ARHGAP24: variants seen among roughly 807,000 people sequenced by gnomAD.
ARHGAP24 encodes the protein Rho GTPase activating protein 24.
A neutral mutation model predicts 76.4 loss-of-function variants in ARHGAP24; 50 were observed. That is an observed-to-expected ratio of 0.65 (90% CI 0.52 to 0.83). The LOEUF is 0.83. Among genes scored for constraint, ARHGAP24 ranks in the 40% least tolerant of loss-of-function variants. The pLI is 0.00. For missense variants in ARHGAP24, 930 were observed against 914.2 expected (o/e 1.02, Z -0.22); for synonymous variants, 345 against 323.3 (o/e 1.07, Z -0.72).
chr4:85,637,597 T>C (rs1721376805), intron 2 of ARHGAP24, among the ~76,000 whole-genome samples: 1 of 152,078 alleles, frequency 6.6e-6, no homozygotes, highest in African/African-American at 2.4e-5. Context: ...ACATGTTGTA[T>C]ATTGGTAAAA....
chr4:85,960,036 T>C lies in ARHGAP24; in HGVS notation c.600-12000T>C, dbSNP rs187780517. 4.9e-3 allele frequency among the ~76,000 whole-genome samples: 744 copies of C among 152,312 alleles called. 1 individual carries two copies. Among genetic ancestry groups the C allele is most frequent in the Middle Eastern group, 0.01 (3 of 294 alleles). ...TGTAAGACAGAAATTAAAAGGATTT[T>C]CTGGTGTATCCAGTTAAGTCAGCAA... is the stretch of plus-strand genomic sequence containing the variant. On this transcript the variant is annotated intron_variant, in intron 5 of 9. Transcript: ENST00000395184.
intron 2 of ARHGAP24, among the ~76,000 whole-genome samples, chr4:85,676,727 A>G (rs142451632): frequency 6.6e-6 from 1 of 152,334 alleles, no homozygotes; most frequent in East Asian, 1.9e-4. Context: ...ATAGTGTCTG[A>G]GGGGGCCAAG....
chr4:85,972,801 C>T (rs977810681), intron 6 of ARHGAP24, among the ~76,000 whole-genome samples: 2 of 152,136 alleles, frequency 1.3e-5, no homozygotes, highest in African/African-American at 4.8e-5. Context: ...ATAGATTTGC[C>T]TATTCTGGAC....
chr4:85,529,259 C>G (rs1333629059), intron 1 of ARHGAP24, among the ~76,000 whole-genome samples: 1 of 151,976 alleles, frequency 6.6e-6, no homozygotes, highest in East Asian at 1.9e-4. Flanking sequence ...TTGACAAGTA[C>G]ATTGTGATAA....
chr4:85,594,049 G>A (rs1397988643), intron 2 of ARHGAP24, among the ~76,000 whole-genome samples: 2 of 151,944 alleles, frequency 1.3e-5, no homozygotes, highest in East Asian at 1.9e-4. Context: ...GGGTAGTATG[G>A]ACATTTTAGC....
At chr4:85,991,902 A>G (rs1376057537) in intron 8 of ARHGAP24, 1 of 371,488 alleles carries the variant, frequency 2.7e-6, no homozygotes, top group African/African-American at 2.1e-5. Flanking sequence ...TCATCTACAT[A>G]TATTTTTGCA....
intron 7 of ARHGAP24, among the ~76,000 whole-genome samples, chr4:85,977,186 T>A (rs1373870662): frequency 6.6e-6 from 1 of 152,190 alleles, no homozygotes; most frequent in Non-Finnish European, 1.5e-5. Context: ...GAAGGCATCC[T>A]ACCAGCTGAT....
intron 5 of ARHGAP24, among the ~76,000 whole-genome samples, chr4:85,960,476 A>G (rs1399678433): frequency 1.3e-5 from 2 of 152,180 alleles, no homozygotes; most frequent in African/African-American, 4.8e-5. Flanking sequence ...ACATAGAACT[A>G]GAAGATGAAC....
At chr4:85,921,673 G>A (rs1026963664) in intron 3 of ARHGAP24, among the ~76,000 whole-genome samples, 9 of 152,050 alleles carry the variant, frequency 5.9e-5, no homozygotes, top group African/African-American at 1.9e-4. Context: ...TTTCAGATAC[G>A]AGTTGTTTAA....
intron 5 of ARHGAP24, among the ~76,000 whole-genome samples, chr4:85,945,963 A>G (rs944815816): frequency 2.0e-5 from 3 of 152,180 alleles, no homozygotes; most frequent in Non-Finnish European, 1.5e-5. Flanking sequence ...GGTTTAATTA[A>G]TAACTTACAG....
intron 3 of ARHGAP24, among the ~76,000 whole-genome samples, chr4:85,917,483 G>A (rs889592294): frequency 6.6e-6 from 1 of 151,766 alleles, no homozygotes; most frequent in African/African-American, 2.4e-5. Context: ...CTGAGGAATC[G>A]CCACACTGAC....
intron 1 of ARHGAP24, among the ~76,000 whole-genome samples, chr4:85,504,403 C>G (rs1723952450): frequency 6.6e-6 from 1 of 152,158 alleles, no homozygotes; most frequent in Non-Finnish European, 1.5e-5. Flanking sequence ...GGACGTGCTC[C>G]TCTATTGGGT....
intron 1 of ARHGAP24, among the ~76,000 whole-genome samples, chr4:85,515,969 AAT>A (rs1431344556): frequency 3.9e-5 from 6 of 152,210 alleles, no homozygotes; most frequent in African/African-American, 1.4e-4. Context: ...TTGCCTATTT[AAT>A]ATGTGTACAG....
intron 2 of ARHGAP24, among the ~76,000 whole-genome samples, chr4:85,705,687 C>CA (rs1003771023): frequency 1.3e-5 from 2 of 152,020 alleles, no homozygotes; most frequent in African/African-American, 4.8e-5. Flanking sequence ...GAGAATGAGG[C>CA]AGAGAGAAGG....
intron 1 of ARHGAP24, among the ~76,000 whole-genome samples, chr4:85,554,356 C>T (rs1010711499): frequency 5.9e-5 from 9 of 152,082 alleles, no homozygotes; most frequent in African/African-American, 1.7e-4. Context: ...GCATCTCTAG[C>T]GAGGTTAAGG....
chr4:85,935,744 G>T (rs898871911), intron 4 of ARHGAP24, among the ~76,000 whole-genome samples: 2 of 152,138 alleles, frequency 1.3e-5, no homozygotes, highest in Non-Finnish European at 2.9e-5. Flanking sequence ...CATGCAACTT[G>T]CCTGACTTGG....
At chr4:85,533,824 C>T (rs900578360) in intron 1 of ARHGAP24, among the ~76,000 whole-genome samples, 1 of 152,034 alleles carries the variant, frequency 6.6e-6, no homozygotes, top group Non-Finnish European at 1.5e-5. Flanking sequence ...ACTAAACATA[C>T]TAAAATATAT....
chr4:85,624,131 G>T (rs1397461497), intron 2 of ARHGAP24, among the ~76,000 whole-genome samples: 1 of 152,190 alleles, frequency 6.6e-6, no homozygotes, highest in East Asian at 1.9e-4. Context: ...ATGTTGAATA[G>T]GAGTGGTGAG....
At chr4:85,716,215 A>G (rs1482894580) in intron 2 of ARHGAP24, among the ~76,000 whole-genome samples, 2 of 151,882 alleles carry the variant, frequency 1.3e-5, no homozygotes, top group Non-Finnish European at 2.9e-5. Context: ...CCTTACCCCA[A>G]TCTCTTGTGG....
Sources: allele counts gnomAD v4.1 joint callset (sites outside exome capture counted in the v4.1 genomes callset), GRCh38; gene constraint gnomAD v4.1.1; transcripts MANE v1.5; gene names NCBI Gene and HGNC (gene_info 2026-07-23, HGNC 2026-07-21).